The following MTUS2 variants were observed in gnomAD, a reference collection of about 807,000 sequenced individuals.
MTUS2 encodes the protein microtubule associated scaffold protein 2, also known as microtubule-associated tumor suppressor candidate 2.
A neutral mutation model predicts 114.1 loss-of-function variants in MTUS2; 40 were observed. The ratio of observed to expected loss-of-function variants is 0.35; its 90% CI spans 0.27 to 0.46. The LOEUF (loss-of-function observed/expected upper bound fraction) is 0.46, where lower values mean the gene tolerates loss of function less well. Ranked by LOEUF, MTUS2 falls within the 20% of genes least tolerant of loss-of-function variation. The pLI is 1.00. For synonymous variants in MTUS2, 688 were observed against 672.0 expected, an observed-to-expected ratio of 1.02 and a Z score of -0.37; for missense variants, 1,679 against 1,705.4, an observed-to-expected ratio of 0.98 and a Z score of 0.27.
chr13:29,147,822 C>A (rs1412891990), intron 5 of MTUS2, among the ~76,000 whole-genome samples: 2 of 152,162 alleles, frequency 1.3e-5, no homozygotes, highest in African/African-American at 4.8e-5. Flanking sequence ...ACCACATTTT[C>A]TTTGTCCAGT....
chr13:29,459,051 G>T (rs1343736043), intron 9 of MTUS2, among the ~76,000 whole-genome samples: 1 of 152,220 alleles, frequency 6.6e-6, no homozygotes, highest in African/African-American at 2.4e-5. Context: ...AGGGCCAGAA[G>T]TTTCCCTGTA....
intron 9 of MTUS2, among the ~76,000 whole-genome samples, chr13:29,473,030 T>C (rs553937232): frequency 1.4e-4 from 21 of 152,316 alleles, no homozygotes; most frequent in African/African-American, 5.0e-4. Flanking sequence ...TTTATCTAAC[T>C]GTGGTATTGT....
chr13:29,272,128 G>A (rs1347437767), intron 5 of MTUS2, among the ~76,000 whole-genome samples: 9 of 152,118 alleles, frequency 5.9e-5, no homozygotes, highest in Admixed American at 5.9e-4. Flanking sequence ...ATGTGAGAAA[G>A]AAAATATACA....
At chr13:28,922,455 GC>G (rs1416794654) in intron 2 of MTUS2, among the ~76,000 whole-genome samples, 1 of 152,150 alleles carries the variant, frequency 6.6e-6, no homozygotes, top group Non-Finnish European at 1.5e-5. Context: ...GGGTCCCAGA[GC>G]CACTTTAGCC....
intron 2 of MTUS2, among the ~76,000 whole-genome samples, chr13:28,899,195 A>G (rs1249370866): frequency 6.6e-6 from 1 of 152,246 alleles, no homozygotes; most frequent in African/African-American, 2.4e-5. Flanking sequence ...GTAAAACAAT[A>G]GTAAAATATC....
At chr13:29,125,210 G>A (rs114387093) in intron 5 of MTUS2, among the ~76,000 whole-genome samples, 1,797 of 152,266 alleles carry the variant, frequency 0.012, 32 homozygotes, top group African/African-American at 0.041. Context: ...GATAACTATA[G>A]GACAGCTTGT....
At chr13:28,956,991 C>A (rs1402550776) in intron 2 of MTUS2, among the ~76,000 whole-genome samples, 1 of 149,976 alleles carries the variant, frequency 6.7e-6, no homozygotes, top group African/African-American at 2.5e-5. Context: ...GGTGAGCTGG[C>A]GGGAAGGAAG....
chr13:28,907,883 A>G (rs548006627), intron 2 of MTUS2, among the ~76,000 whole-genome samples: 1 of 151,554 alleles, frequency 6.6e-6, no homozygotes, highest in Non-Finnish European at 1.5e-5. Flanking sequence ...TCAGCACTTA[A>G]AAAACCATTG....
chr13:28,971,217 A>G (rs1883841060), intron 2 of MTUS2, among the ~76,000 whole-genome samples: 1 of 152,214 alleles, frequency 6.6e-6, no homozygotes, highest in African/African-American at 2.4e-5. Context: ...AGTATTTTAA[A>G]AAATAATCAT....
chr13:29,485,449 TTACTAAA>T (rs1211814674), intron 10 of MTUS2: 4 of 152,260 alleles, frequency 2.6e-5, no homozygotes, highest in Admixed American at 1.3e-4. Context: ...GAAACCTGAA[TTACTAAA>T]GAGCGGGGAT....
intron 2 of MTUS2, among the ~76,000 whole-genome samples, chr13:28,909,170 C>T (rs929451691): frequency 5.9e-5 from 9 of 151,324 alleles, no homozygotes; most frequent in South Asian, 4.2e-4. Flanking sequence ...CTTGGCGATG[C>T]GGGCTTTTTT....
intron 7 of MTUS2, among the ~76,000 whole-genome samples, chr13:29,342,831 C>G (rs375539668): frequency 1.3e-5 from 2 of 152,018 alleles, no homozygotes; most frequent in Non-Finnish European, 2.9e-5. Flanking sequence ...AAAGTATGTC[C>G]TTTCTGTGCT....
intron 10 of MTUS2, among the ~76,000 whole-genome samples, chr13:29,481,246 G>A (rs1203981994): frequency 2.0e-5 from 3 of 152,166 alleles, no homozygotes; most frequent in Non-Finnish European, 4.4e-5. Context: ...AATTCCCAGG[G>A]AGCTTGTCAG....
intron 2 of MTUS2, among the ~76,000 whole-genome samples, chr13:28,943,041 TAAAAG>T (rs1477129345): frequency 6.6e-6 from 1 of 152,180 alleles, no homozygotes; most frequent in African/African-American, 2.4e-5. Context: ...AAAACATAGT[TAAAAG>T]AACACAGTCC....
chr13:29,503,576 G>A lies in MTUS2; in HGVS notation c.*370G>A, dbSNP rs2139034953. On this transcript the variant is annotated 3_prime_UTR_variant, in exon 16 of 16. Coordinates refer to ENST00000612955, the MANE Select transcript of MTUS2 (RefSeq NM_001033602.4). The stretch of plus-strand genomic sequence containing the variant: ...GATATGTGTGTATATTTAGATATAC[G>A]TATATACACATGCTGCGGTTCTGAA... 1 of 317,270 alleles carries A rather than the reference G, an allele frequency of 3.2e-6. No individual in the cohort carries two copies. Among genetic ancestry groups the A allele is most frequent in the Non-Finnish European group, 5.9e-6 (1 of 169,478 alleles). The allele number at this position is 317,270 out of a possible 1,614,324, so 19.7% of individuals were successfully genotyped here.
At chr13:29,002,281 C>A (rs1885418804) in intron 2 of MTUS2, among the ~76,000 whole-genome samples, 1 of 152,178 alleles carries the variant, frequency 6.6e-6, no homozygotes, top group South Asian at 2.1e-4. Flanking sequence ...GCAGCCTCAG[C>A]TGTCTTAATA....
At chr13:29,327,145 TAA>T (rs1900554226) in intron 7 of MTUS2, among the ~76,000 whole-genome samples, 1 of 151,574 alleles carries the variant, frequency 6.6e-6, no homozygotes, top group Non-Finnish European at 1.5e-5. Flanking sequence ...TAAAAATGTA[TAA>T]GTAAAAGGAT....
intron 2 of MTUS2, among the ~76,000 whole-genome samples, chr13:28,961,063 T>C (rs1472577125): frequency 6.6e-6 from 1 of 152,098 alleles, no homozygotes; most frequent in Admixed American, 6.5e-5. Flanking sequence ...AGTTGGAACA[T>C]AGGATAATAG....
chr13:29,204,359 G>A (rs1050103429), intron 5 of MTUS2, among the ~76,000 whole-genome samples: 11 of 152,272 alleles, frequency 7.2e-5, no homozygotes, highest in Admixed American at 2.0e-4. Flanking sequence ...ACCAGGCTGC[G>A]GATGGGCCGG....
Sources: allele counts gnomAD v4.1 joint callset (sites outside exome capture counted in the v4.1 genomes callset), GRCh38; gene constraint gnomAD v4.1.1; transcripts MANE v1.5; gene names NCBI Gene and HGNC (gene_info 2026-07-23, HGNC 2026-07-21).